PLA2G12A: variants seen among roughly 807,000 people sequenced by gnomAD.
PLA2G12A encodes phospholipase A2 group XIIA.
A neutral mutation model predicts 16.0 loss-of-function variants in PLA2G12A; 11 were observed. The ratio of observed to expected loss-of-function variants is 0.69; its 90% CI spans 0.43 to 1.13. The LOEUF (loss-of-function observed/expected upper bound fraction) is 1.13, where lower values mean the gene tolerates loss of function less well. Among genes scored for constraint, PLA2G12A ranks in the 50% most tolerant of loss-of-function variants. PLA2G12A has a pLI of 0.00. For missense variants in PLA2G12A, 214 were observed against 237.3 expected (o/e 0.90, Z 0.65); for synonymous variants, 77 against 93.8 (o/e 0.82, Z 1.03).
Position 109,714,103 on chromosome 4 carries a change from A to T in PLA2G12A, c.*274T>A. ...TTCCTCTTTTCAAAATTCTCCGCTAAACAAGCACTTGTTTTTGATATTGGT... is the reference window on the plus strand; with the variant it reads ...TTCCTCTTTTCAAAATTCTCCGCTATACAAGCACTTGTTTTTGATATTGGT... On this transcript the variant is annotated 3_prime_UTR_variant, in exon 4 of 4. Transcript: ENST00000243501. The T allele has an allele frequency of 3.0e-6, 1 of 335,136 alleles. No homozygotes were observed. The highest frequency in any genetic ancestry group is 5.5e-6 in the Non-Finnish European group (1 of 181,484). The allele number at this position is 335,136 out of a possible 1,614,324, so 20.8% of individuals were successfully genotyped here.
intron 1 of PLA2G12A, among the ~76,000 whole-genome samples, chr4:109,719,347 C>T (rs1730879173): frequency 6.6e-6 from 1 of 152,036 alleles, no homozygotes; most frequent in Non-Finnish European, 1.5e-5. Context: ...GCCCTCCCAC[C>T]GAGTCAACCA....
intron 3 of PLA2G12A, among the ~76,000 whole-genome samples, chr4:109,716,634 T>G (rs1387085666): frequency 6.6e-6 from 1 of 152,176 alleles, no homozygotes; most frequent in Non-Finnish European, 1.5e-5. Flanking sequence ...GAGGTGAGTA[T>G]CATCATTCTT....
chr4:109,727,419 T>C lies in PLA2G12A; in HGVS notation c.208+2183A>G, dbSNP rs564765860. On this transcript the variant is annotated intron_variant, in intron 1 of 3. Transcript: ENST00000243501. ...AGCCATTACGTCCTGCCTAATTTTT[T>C]TTTTCATTGAGATCCAATTATCTAT... Among the ~76,000 whole-genome samples, 9 of 152,260 alleles carry C rather than the reference T, an allele frequency of 5.9e-5. No individual in the cohort carries two copies. In the East Asian group the frequency reaches 1.7e-3, roughly 29 times the overall value.
At chr4:109,716,476 T>G (rs1458224561) in intron 3 of PLA2G12A, among the ~76,000 whole-genome samples, 1 of 152,218 alleles carries the variant, frequency 6.6e-6, no homozygotes, top group Non-Finnish European at 1.5e-5. Context: ...TAAAATGTTA[T>G]TTTCCTTTCC....
rs1350766905 is a variant in PLA2G12A at position 109,720,600 on chromosome 4, AAAAAATATATATATATATATATATAT to A, written c.209-1867_209-1842del. On this transcript the variant is annotated intron_variant, in intron 1 of 3. Coordinates refer to ENST00000243501, the MANE Select transcript of PLA2G12A (RefSeq NM_030821.5). ...AAAAAAAAAAAAAAAAAAAAAAAAAAAAAAATATATATATATATATATATATATATATATATATATATATGAATTTT... is the reference window on the plus strand; with the variant it reads ...AAAAAAAAAAAAAAAAAAAAAAAAAAATATATATATATATATATGAATTTT... 6.1e-4 allele frequency among the ~76,000 whole-genome samples: 15 copies of A among 24,732 alleles called. No individual in the cohort carries two copies. The South Asian group carries it at 0.021, about 34-fold the overall frequency. The allele number at this position is 24,732 out of a possible 152,430, so 16.2% of individuals were successfully genotyped here. A position where few individuals can be genotyped will look rare whatever the true frequency, so the allele number is the denominator to read the frequency against.
intron 3 of PLA2G12A, among the ~76,000 whole-genome samples, chr4:109,716,784 C>A (rs1346277522): frequency 1.3e-5 from 2 of 152,176 alleles, no homozygotes; most frequent in Non-Finnish European, 2.9e-5. Flanking sequence ...TGGGGGTCAT[C>A]TGGGGACCTT....
intron 1 of PLA2G12A, among the ~76,000 whole-genome samples, chr4:109,727,958 T>C (rs1445584322): frequency 6.6e-6 from 1 of 152,246 alleles, no homozygotes; most frequent in Admixed American, 6.5e-5. Context: ...CCTATCTCTG[T>C]AAATGGCAAC....
At chr4:109,721,736 A>T (rs145250919) in intron 1 of PLA2G12A, among the ~76,000 whole-genome samples, 209 of 152,298 alleles carry the variant, frequency 1.4e-3, no homozygotes, top group African/African-American at 4.5e-3. Flanking sequence ...ATTCACCTCA[A>T]ATTTGCTCCA....
intron 1 of PLA2G12A, among the ~76,000 whole-genome samples, chr4:109,719,574 C>T (rs77736801): frequency 0.012 from 1,829 of 152,244 alleles, 37 homozygotes; most frequent in African/African-American, 0.04. Flanking sequence ...TTCAGAAACA[C>T]CTCACCTCAT....
At chr4:109,714,598 G>GA (rs1250649109) in intron 3 of PLA2G12A, 103 bp from the exon 4 acceptor site, 4 of 745,820 alleles carry the variant, frequency 5.4e-6, no homozygotes, top group South Asian at 4.7e-5. Context: ...CGTGAGCACT[G>GA]AAATGTATGC....
chr4:109,718,440 A>G (rs1730866046), intron 2 of PLA2G12A, among the ~76,000 whole-genome samples: 1 of 152,200 alleles, frequency 6.6e-6, no homozygotes, highest in African/African-American at 2.4e-5. Flanking sequence ...AAACTTTTCA[A>G]CTATGTATGT....
intron 1 of PLA2G12A, among the ~76,000 whole-genome samples, chr4:109,723,271 GGCTTA>G (rs1377356191): frequency 6.6e-6 from 1 of 151,806 alleles, no homozygotes; most frequent in Admixed American, 6.6e-5. Context: ...TACTGCTAGA[GGCTTA>G]GCACTTCTGC....
At position 109,711,713 on chromosome 4, in the gene PLA2G12A, C is replaced by A. The variant is rs1292781050; in HGVS notation, c.*2664G>T. 1 of 152,098 alleles carries A rather than the reference C, an allele frequency of 6.6e-6. No homozygotes were observed. Among genetic ancestry groups the A allele is most frequent in the Non-Finnish European group, 1.5e-5 (1 of 68,018 alleles). 9.4% of individuals were successfully genotyped at this position (152,098 alleles called of 1,614,324 possible). On this transcript the variant is annotated 3_prime_UTR_variant, in exon 4 of 4. Transcript: ENST00000243501. Reference sequence around the variant, plus strand: ...GTTGAATGTAATCTTTCCCACCCACCACCTCCCATGACTGGACTTAGTGAC... The same window carrying A: ...GTTGAATGTAATCTTTCCCACCCACAACCTCCCATGACTGGACTTAGTGAC...
In PLA2G12A at chr4:109,729,581, TGGGCCC is replaced by T; in HGVS notation, c.208+15_208+20del. On this transcript the variant is annotated intron_variant, in intron 1 of 3. Coordinates refer to ENST00000243501, the MANE Select transcript of PLA2G12A (RefSeq NM_030821.5). Reference sequence around the variant, plus strand: ...ATCCCCCGAAAGCACGAGCCCTCGCTGGGCCCGGGTGCCCCCTCACCGTCACTGCAT... The same window carrying T: ...ATCCCCCGAAAGCACGAGCCCTCGCTGGGTGCCCCCTCACCGTCACTGCAT... 2 of 1,600,746 alleles carry T rather than the reference TGGGCCC, an allele frequency of 1.2e-6. No homozygotes were observed. The highest frequency in any genetic ancestry group is 1.7e-6 in the Non-Finnish European group (2 of 1,171,208).
At chr4:109,715,540 C>T (rs1409441402) in intron 3 of PLA2G12A, among the ~76,000 whole-genome samples, 1 of 152,046 alleles carries the variant, frequency 6.6e-6, no homozygotes, top group Non-Finnish European at 1.5e-5. Context: ...GGCTGGAGTG[C>T]AGTGGCATGA....
At position 109,712,720 on chromosome 4, in the gene PLA2G12A, T is replaced by C. The variant is rs939933168; in HGVS notation, c.*1657A>G. The C allele has an allele frequency of 6.6e-6, 1 of 152,226 alleles. No homozygotes were observed. 9.4% of individuals were successfully genotyped at this position (152,226 alleles called of 1,614,324 possible). A position where few individuals can be genotyped will look rare whatever the true frequency, so the allele number is the denominator to read the frequency against. ...CCATGTTGGCCAGCTGGTCTCAAAC[T>C]CCTGACCTCAAGTGATCCAACCGCC... On this transcript the variant is annotated 3_prime_UTR_variant, in exon 4 of 4. Transcript: ENST00000243501.
chr4:109,720,168 C>G (rs1730897338), intron 1 of PLA2G12A, among the ~76,000 whole-genome samples: 1 of 152,178 alleles, frequency 6.6e-6, no homozygotes, highest in Non-Finnish European at 1.5e-5. Context: ...AGCCAACTCC[C>G]TATTTTACAC....
In PLA2G12A at chr4:109,717,446, A is replaced by G. The variant is rs1230747277; in HGVS notation, c.451+102T>C. On this transcript the variant is annotated intron_variant, in intron 3 of 3. Transcript: ENST00000243501. ...TGAAGTCTGTGTCACAATAGATAAT[A>G]TATGTGAAAGATTTCTATTGGTAAA... 6 of 1,214,032 alleles carry G rather than the reference A, an allele frequency of 4.9e-6. No homozygotes were observed. The Admixed American group carries it at 1.3e-4, about 27-fold the overall frequency. 75.2% of individuals were successfully genotyped at this position (1,214,032 alleles called of 1,614,324 possible). A position where few individuals can be genotyped will look rare whatever the true frequency, so the allele number is the denominator to read the frequency against.
At chr4:109,715,631 G>A (rs1252183586) in intron 3 of PLA2G12A, among the ~76,000 whole-genome samples, 5 of 151,852 alleles carry the variant, frequency 3.3e-5, no homozygotes, top group East Asian at 1.9e-4. Flanking sequence ...GACTATAGGC[G>A]CCTGGCTAAT....
Sources: gnomAD v4.1 joint callset for allele counts (sites outside exome capture counted in the v4.1 genomes callset) on GRCh38, gnomAD v4.1.1 for gene constraint, MANE v1.5 for transcripts, NCBI Gene and HGNC (gene_info 2026-07-23, HGNC 2026-07-21) for gene names.